The following NR3C1 variants were observed in gnomAD, a reference collection of about 807,000 sequenced individuals.
NR3C1 encodes glucocorticoid receptor.
In NR3C1, 14 loss-of-function variants were observed where a neutral mutation model predicts 74.0. The observed-to-expected ratio is 0.19, with a 90% confidence interval of 0.12 to 0.30. The LOEUF (loss-of-function observed/expected upper bound fraction) is 0.30. NR3C1 is among the 10% of genes least tolerant of loss of function. The probability of loss-of-function intolerance (pLI) is 1.00; values close to 1 mark genes in which losing one functional copy is unlikely to be tolerated. For missense variants in NR3C1, 695 were observed against 909.8 expected (o/e 0.76, Z 3.04); for synonymous variants, 308 against 332.5 (o/e 0.93, Z 0.80).
At chr5:143,361,221 C>T (rs1324481414) in intron 2 of NR3C1, among the ~76,000 whole-genome samples, 1 of 152,098 alleles carries the variant, frequency 6.6e-6, no homozygotes, top group Non-Finnish European at 1.5e-5. Context: ...TAGGTAGCAG[C>T]AACACTGGCA....
chr5:143,384,367 C>T (rs1178577499), intron 2 of NR3C1, among the ~76,000 whole-genome samples: 2 of 152,192 alleles, frequency 1.3e-5, no homozygotes, highest in African/African-American at 4.8e-5. Flanking sequence ...CACAATCTTG[C>T]ATTCTCAATA....
chr5:143,421,789 CT>C (rs1402097449), intron 1 of NR3C1, among the ~76,000 whole-genome samples: 2 of 144,344 alleles, frequency 1.4e-5, no homozygotes, highest in African/African-American at 5.1e-5. Flanking sequence ...GAGACTCTAT[CT>C]CAAAAAAAAA....
intron 1 of NR3C1, among the ~76,000 whole-genome samples, chr5:143,422,310 C>T (rs1036492977): frequency 1.2e-4 from 18 of 152,306 alleles, no homozygotes; most frequent in Admixed American, 1.2e-3. Context: ...ATTTGAGAGA[C>T]AGTATGGCAT....
At chr5:143,334,781 T>C (rs1053310639) in intron 2 of NR3C1, among the ~76,000 whole-genome samples, 5 of 152,162 alleles carry the variant, frequency 3.3e-5, no homozygotes, top group African/African-American at 1.2e-4. Context: ...GGAGATCTTT[T>C]AAATTACATT....
chr5:143,411,657 A>G (rs1195010593), intron 1 of NR3C1, among the ~76,000 whole-genome samples: 1 of 152,244 alleles, frequency 6.6e-6, no homozygotes, highest in African/African-American at 2.4e-5. Context: ...ATGGCCATAT[A>G]GAATTTACTA....
chr5:143,284,196 T>C (rs1412660450), intron 7 of NR3C1, among the ~76,000 whole-genome samples: 1 of 152,144 alleles, frequency 6.6e-6, no homozygotes, highest in Non-Finnish European at 1.5e-5. Context: ...TCCGCTCACC[T>C]TGGCCTCCCA....
intron 2 of NR3C1, among the ~76,000 whole-genome samples, chr5:143,381,265 A>G (rs755123793): frequency 2.0e-5 from 3 of 152,156 alleles, no homozygotes; most frequent in Non-Finnish European, 4.4e-5. Context: ...TGAAAACAAT[A>G]AAACACTGAG....
chr5:143,423,534 A>G (rs1751346959), intron 1 of NR3C1, among the ~76,000 whole-genome samples: 1 of 152,168 alleles, frequency 6.6e-6, no homozygotes, highest in South Asian at 2.1e-4. Context: ...ACTATGGAGA[A>G]CAGTATGAAG....
intron 7 of NR3C1, among the ~76,000 whole-genome samples, chr5:143,290,276 A>G (rs1024048444): frequency 6.6e-6 from 1 of 152,218 alleles, no homozygotes; most frequent in Non-Finnish European, 1.5e-5. Flanking sequence ...ATTTGTAAAT[A>G]AAGTTTTATT....
intron 2 of NR3C1, among the ~76,000 whole-genome samples, chr5:143,348,895 T>G (rs1178755646): frequency 1.3e-5 from 2 of 152,200 alleles, no homozygotes; most frequent in African/African-American, 4.8e-5. Context: ...GTAAATATTT[T>G]TCCCTACAAA....
At chr5:143,316,574 T>C (rs1024294273) in intron 2 of NR3C1, among the ~76,000 whole-genome samples, 2 of 152,180 alleles carry the variant, frequency 1.3e-5, no homozygotes, top group Non-Finnish European at 2.9e-5. Context: ...AGGGAGCCTA[T>C]CTACGGTGAA....
chr5:143,432,075 G>A lies in NR3C1; in HGVS notation c.-14+2457C>T, dbSNP rs2151964538. On this transcript the variant is annotated intron_variant, in intron 1 of 8. Coordinates refer to the NR3C1 transcript ENST00000343796. ...ACTATCAGGGTTGGTGGTAAAAACT[G>A]CCTTGCTTGGCTCAGCATGTCTCCA... 2.0e-5 allele frequency among the ~76,000 whole-genome samples: 3 copies of A among 152,250 alleles called. No individual in the cohort carries two copies. The Middle Eastern group carries it at 0.01, about 518-fold the overall frequency.
chr5:143,387,678 C>A (rs202132099), intron 2 of NR3C1, among the ~76,000 whole-genome samples: 1 of 152,050 alleles, frequency 6.6e-6, no homozygotes, highest in Non-Finnish European at 1.5e-5. Flanking sequence ...CTCTTTTCTG[C>A]GACTGTCATT....
chr5:143,350,312 G>C (rs990216047), intron 2 of NR3C1, among the ~76,000 whole-genome samples: 2 of 152,082 alleles, frequency 1.3e-5, no homozygotes, highest in African/African-American at 4.8e-5. Context: ...CCTGGCTTAA[G>C]GTAGGAGCAG....
rs75018840 is a variant in NR3C1 at position 143,301,402 on chromosome 5, T to C, written c.1469-639A>G. On this transcript the variant is annotated intron_variant, in intron 4 of 8. Coordinates refer to ENST00000394464, the MANE Select transcript of NR3C1 (RefSeq NM_000176.3). The stretch of plus-strand genomic sequence containing the variant: ...AAATACTGCGTGGGACTAAAAACAT[T>C]TGGGAAGATGAAATGAAAAACTTTA... 1.0e-3 allele frequency among the ~76,000 whole-genome samples: 155 copies of C among 152,238 alleles called. 3 individuals carry two copies. In the East Asian group the frequency reaches 0.022, roughly 22 times the overall value.
chr5:143,409,866 G>T (rs1841235642), intron 1 of NR3C1, among the ~76,000 whole-genome samples: 1 of 152,164 alleles, frequency 6.6e-6, no homozygotes, highest in African/African-American at 2.4e-5. Flanking sequence ...TGTCTTTCAT[G>T]ATGCTTTCAA....
chr5:143,332,650 G>A (rs1322043542), intron 2 of NR3C1: 7 of 1,574,680 alleles, frequency 4.4e-6, no homozygotes, highest in South Asian at 1.1e-5. Context: ...AGGTTTAAGC[G>A]ACTGGAATCA....
At chr5:143,358,231 T>C (rs117737270) in intron 2 of NR3C1, among the ~76,000 whole-genome samples, 2 of 152,198 alleles carry the variant, frequency 1.3e-5, no homozygotes, top group Non-Finnish European at 2.9e-5. Context: ...TTTTTCTTAA[T>C]CATTCAGTGA....
At chr5:143,418,369 A>G (rs888288200) in intron 1 of NR3C1, among the ~76,000 whole-genome samples, 2 of 152,148 alleles carry the variant, frequency 1.3e-5, no homozygotes, top group Non-Finnish European at 2.9e-5. Context: ...TCCTGCCCTC[A>G]ACTGCATGAT....
Sources: gnomAD v4.1 joint callset for allele counts (sites outside exome capture counted in the v4.1 genomes callset) on GRCh38, gnomAD v4.1.1 for gene constraint, MANE v1.5 for transcripts, NCBI Gene and HGNC (gene_info 2026-07-23, HGNC 2026-07-21) for gene names.